ADGB: variants seen among roughly 807,000 people sequenced by gnomAD.
ADGB encodes calpain-7-like protein.
ADGB carries 172 observed loss-of-function variants against 210.5 expected under a neutral mutation model. The ratio of observed to expected loss-of-function variants is 0.82; its 90% CI spans 0.72 to 0.93. ADGB has a LOEUF of 0.93. Among genes scored for constraint, ADGB ranks in the 40% least tolerant of loss-of-function variants. The pLI, the probability that ADGB is intolerant of heterozygous loss-of-function variation, is 0.00. For missense variants in ADGB, 2,025 were observed against 1,964.8 expected, an observed-to-expected ratio of 1.03 and a Z score of -0.58; for synonymous variants, 658 against 662.7, an observed-to-expected ratio of 0.99 and a Z score of 0.11.
intron 28 of ADGB, among the ~76,000 whole-genome samples, chr6:146,764,384 A>G (rs1238192774): frequency 2.0e-5 from 3 of 152,176 alleles, no homozygotes; most frequent in African/African-American, 7.2e-5. Flanking sequence ...GTTGGGTTAT[A>G]AGAAGCTATA....
intron 35 of ADGB, among the ~76,000 whole-genome samples, chr6:146,805,886 A>G (rs1171283163): frequency 6.6e-6 from 1 of 152,242 alleles, no homozygotes; most frequent in Non-Finnish European, 1.5e-5. Flanking sequence ...ATGAAAATGT[A>G]GATATATTAT....
chr6:146,654,287 C>T, intron 4 of ADGB, 81 bp downstream of exon 4: 1 of 864,440 alleles, frequency 1.2e-6, no homozygotes, highest in Non-Finnish European at 1.8e-6. Flanking sequence ...CAGTCGATTT[C>T]AACTCTCCCT....
intron 35 of ADGB, chr6:146,807,366 G>T: frequency 6.5e-7 from 1 of 1,544,548 alleles, no homozygotes; most frequent in Non-Finnish European, 8.7e-7. Flanking sequence ...GCCTTTACCA[G>T]TGGAATTATT....
intron 29 of ADGB, among the ~76,000 whole-genome samples, chr6:146,771,554 C>CGCCCCTG (rs995783136): frequency 5.3e-5 from 8 of 152,152 alleles, no homozygotes; most frequent in East Asian, 1.9e-4. Context: ...ACCGTGCCCC[C>CGCCCCTG]GCCCCTGGCC....
intron 33 of ADGB, among the ~76,000 whole-genome samples, chr6:146,799,600 G>A (rs1460452316): frequency 6.8e-6 from 1 of 147,548 alleles, no homozygotes; most frequent in East Asian, 2.1e-4. Context: ...GAGAGGGAGA[G>A]AGGGAGGAAG....
intron 19 of ADGB, among the ~76,000 whole-genome samples, chr6:146,727,274 T>C (rs1776908954): frequency 6.6e-6 from 1 of 151,986 alleles, no homozygotes; most frequent in African/African-American, 2.4e-5. Flanking sequence ...CCCCCACACA[T>C]GTCACACTCA....
intron 35 of ADGB, chr6:146,803,416 C>T (rs778977369): frequency 4.4e-6 from 7 of 1,608,202 alleles, no homozygotes; most frequent in Non-Finnish European, 4.3e-6. Flanking sequence ...TCTTTATTTG[C>T]CATGTCACAG....
At position 146,717,674 on chromosome 6, in the gene ADGB, T is replaced by C. The variant is rs1776755234; in HGVS notation, c.1992+75T>C. 4 of 717,876 alleles carry C rather than the reference T, an allele frequency of 5.6e-6. No homozygotes were observed. The South Asian group carries it at 9.0e-5, about 16-fold the overall frequency. The allele number at this position is 717,876 out of a possible 1,614,324, so 44.5% of individuals were successfully genotyped here. ...GCACCCGTAGAAAACATCTTCAAAT[T>C]TCTCAAAACATTTCTAAACTTGTAA... On this transcript the variant is annotated intron_variant, in intron 16 of 35. Transcript: ENST00000397944.
intron 1 of ADGB, among the ~76,000 whole-genome samples, chr6:146,622,393 A>G (rs549030916): frequency 6.6e-6 from 1 of 151,834 alleles, no homozygotes; most frequent in African/African-American, 2.4e-5. Flanking sequence ...TTACGTTTTT[A>G]TGACAAGATC....
At chr6:146,736,969 C>G (rs186756060) in intron 23 of ADGB, among the ~76,000 whole-genome samples, 1 of 151,678 alleles carries the variant, frequency 6.6e-6, no homozygotes, top group Non-Finnish European at 1.5e-5. Flanking sequence ...AGAGGTAGAT[C>G]GAACCTTAAA....
In ADGB at chr6:146,717,532, T is replaced by A. The variant is rs1776753174; in HGVS notation, c.1929-4T>A. The A allele has an allele frequency of 7.3e-7, 1 of 1,366,084 alleles. No individual in the cohort carries two copies. The highest frequency in any genetic ancestry group is 1.0e-6 in the Non-Finnish European group (1 of 1,000,980). The allele number at this position is 1,366,084 out of a possible 1,614,324, so 84.6% of individuals were successfully genotyped here. A position where few individuals can be genotyped will look rare whatever the true frequency, so the allele number is the denominator to read the frequency against. On this transcript the variant is annotated splice_polypyrimidine_tract_variant and splice_region_variant and intron_variant, in intron 15 of 35. Coordinates refer to ENST00000397944, the MANE Select transcript of ADGB (RefSeq NM_024694.4). Reference sequence around the variant, plus strand: ...ATAACCTGTTAAAAATGTCTTTCTTTCAGAAATATATATATTTTCCACAAG... The same window carrying A: ...ATAACCTGTTAAAAATGTCTTTCTTACAGAAATATATATATTTTCCACAAG...
chr6:146,764,562 TTTAAA>T (rs1777546475), intron 28 of ADGB, among the ~76,000 whole-genome samples: 1 of 151,936 alleles, frequency 6.6e-6, no homozygotes, highest in African/African-American at 2.4e-5. Flanking sequence ...GTAAAATAAG[TTTAAA>T]TTAAATTAAA....
chr6:146,650,368 A>C (rs1283347178), intron 3 of ADGB, among the ~76,000 whole-genome samples: 3 of 152,078 alleles, frequency 2.0e-5, no homozygotes, highest in Non-Finnish European at 4.4e-5. Context: ...AGAAAAGAAA[A>C]GAGAAATAGA....
chr6:146,651,323 G>C (rs1022466826), intron 3 of ADGB, among the ~76,000 whole-genome samples: 1 of 152,212 alleles, frequency 6.6e-6, no homozygotes, highest in Admixed American at 6.5e-5. Context: ...GAAACACACA[G>C]TGTCTCACAA....
intron 10 of ADGB, among the ~76,000 whole-genome samples, chr6:146,688,479 T>C (rs1776262013): frequency 6.6e-6 from 1 of 152,122 alleles, no homozygotes; most frequent in African/African-American, 2.4e-5. Context: ...AAGATTCCAC[T>C]GGGTTCAAGG....
chr6:146,736,162 C>T (rs186574203), intron 22 of ADGB, among the ~76,000 whole-genome samples: 1 of 152,216 alleles, frequency 6.6e-6, no homozygotes, highest in Admixed American at 6.5e-5. Flanking sequence ...GGATGGATTA[C>T]TTTTTCTGAG....
intron 27 of ADGB, among the ~76,000 whole-genome samples, chr6:146,763,027 T>G (rs1777517673): frequency 6.6e-6 from 1 of 152,174 alleles, no homozygotes; most frequent in South Asian, 2.1e-4. Flanking sequence ...GTATCCTACC[T>G]CAAATTTTAC....
At chr6:146,726,228 T>C in intron 19 of ADGB, 31 bp downstream of exon 19, 2 of 1,424,054 alleles carry the variant, frequency 1.4e-6, no homozygotes, top group Non-Finnish European at 1.9e-6. Flanking sequence ...AAGTTATTTA[T>C]TTATTTATTT....
At chr6:146,773,544 T>C (rs1777683708) in intron 29 of ADGB, among the ~76,000 whole-genome samples, 2 of 152,214 alleles carry the variant, frequency 1.3e-5, no homozygotes, top group African/African-American at 4.8e-5. Context: ...TCCATCTTAC[T>C]CAACTTAGTA....
Sources: gnomAD v4.1 joint callset for allele counts (sites outside exome capture counted in the v4.1 genomes callset) on GRCh38, gnomAD v4.1.1 for gene constraint, MANE v1.5 for transcripts, NCBI Gene and HGNC (gene_info 2026-07-23, HGNC 2026-07-21) for gene names.